The following ZFAND3 variants were observed in gnomAD, a reference collection of about 807,000 sequenced individuals.
ZFAND3 encodes zinc finger AN1-type containing 3.
In ZFAND3, 10 loss-of-function variants were observed where a neutral mutation model predicts 29.6. The ratio of observed to expected loss-of-function variants is 0.34; its 90% confidence interval spans 0.21 to 0.57. The LOEUF (loss-of-function observed/expected upper bound fraction) is 0.57. Among genes scored for constraint, ZFAND3 ranks in the 20% least tolerant of loss-of-function variants. The pLI, the probability that ZFAND3 is intolerant of heterozygous loss-of-function variation, is 0.86. For synonymous variants in ZFAND3, 128 were observed against 112.6 expected (o/e 1.14, Z -0.87); for missense variants, 230 against 304.5 (o/e 0.76, Z 1.82).
chr6:37,838,329 A>C (rs1029745657), intron 1 of ZFAND3, among the ~76,000 whole-genome samples: 1 of 152,162 alleles, frequency 6.6e-6, no homozygotes, highest in Admixed American at 6.5e-5. Flanking sequence ...ACCTACCATA[A>C]ATTTCATCCT....
chr6:38,053,243 A>AT (rs1764064276), intron 2 of ZFAND3, among the ~76,000 whole-genome samples: 1 of 151,832 alleles, frequency 6.6e-6, no homozygotes, highest in Non-Finnish European at 1.5e-5. Flanking sequence ...TGTGAAGGCA[A>AT]TGAGAGACCA....
Position 37,902,737 on chromosome 6 carries a change from CTTTTT to C in ZFAND3, c.72-27203_72-27199del, listed in dbSNP as rs11448512. 5.0e-3 allele frequency among the ~76,000 whole-genome samples: 506 copies of C among 100,418 alleles called. 2 individuals carry two copies. Among genetic ancestry groups the C allele is most frequent in the South Asian group, 8.7e-3 (23 of 2,652 alleles). The allele number at this position is 100,418 out of a possible 152,430, so 65.9% of individuals were successfully genotyped here. A position where few individuals can be genotyped will look rare whatever the true frequency, so the allele number is the denominator to read the frequency against. On this transcript the variant is annotated intron_variant, in intron 1 of 5. Transcript: ENST00000287218. The stretch of plus-strand genomic sequence containing the variant: ...TGCAGCAGCAAGCTTCTTTTACTTA[CTTTTT>C]TTTTTTTTTTTTTTTTTTAAGAGAT...
intron 2 of ZFAND3, among the ~76,000 whole-genome samples, chr6:37,970,389 G>A (rs367822331): frequency 6.6e-6 from 1 of 152,256 alleles, no homozygotes; most frequent in East Asian, 1.9e-4. Context: ...AAAAGATTTT[G>A]CATGTCAAGA....
rs561973868 is a variant in ZFAND3, at chr6:38,025,104, G to T, written c.113-36489G>T. ...CTCAGATTTCACATGTCTAGTAGAT[G>T]TTAATATTGGATCCATTCATTACAT... On this transcript the variant is annotated intron_variant, in intron 2 of 5. Coordinates refer to ENST00000287218, the MANE Select transcript of ZFAND3 (RefSeq NM_021943.3). 2.8e-3 allele frequency among the ~76,000 whole-genome samples: 421 copies of T among 152,260 alleles called. 3 individuals carry two copies. Among genetic ancestry groups the T allele is most frequent in the African/African-American group, 9.9e-3 (410 of 41,542 alleles).
At chr6:37,898,413 A>G (rs1013812691) in intron 1 of ZFAND3, among the ~76,000 whole-genome samples, 2 of 152,116 alleles carry the variant, frequency 1.3e-5, no homozygotes, top group Admixed American at 6.6e-5. Flanking sequence ...TAGCTTTCAG[A>G]TAGGTTTTCA....
intron 1 of ZFAND3, among the ~76,000 whole-genome samples, chr6:37,863,560 A>G (rs1764532362): frequency 6.6e-6 from 1 of 152,112 alleles, no homozygotes; most frequent in Non-Finnish European, 1.5e-5. Flanking sequence ...TTGATTTTTA[A>G]TGATGACCTG....
Position 37,891,416 on chromosome 6 carries a change from TC to T in ZFAND3, c.72-38533del, listed in dbSNP as rs113061455. Among the ~76,000 whole-genome samples, 402 of 117,038 alleles carry T rather than the reference TC, an allele frequency of 3.4e-3. 20 individuals carry two copies. Among genetic ancestry groups the T allele is most frequent in the Admixed American group, 4.5e-3 (53 of 11,854 alleles). The allele number at this position is 117,038 out of a possible 152,430, so 76.8% of individuals were successfully genotyped here. A position where few individuals can be genotyped will look rare whatever the true frequency, so the allele number is the denominator to read the frequency against. On this transcript the variant is annotated intron_variant, in intron 1 of 5. Coordinates refer to ENST00000287218, the MANE Select transcript of ZFAND3 (RefSeq NM_021943.3). ...TTTGACAAATAGTTGGAGATTTCAG[TC>T]CCCCCCCCCGCCTTTAAAATACAAA... is the stretch of plus-strand genomic sequence containing the variant.
intron 1 of ZFAND3, among the ~76,000 whole-genome samples, chr6:37,865,273 A>G (rs1483384428): frequency 6.6e-6 from 1 of 152,228 alleles, no homozygotes; most frequent in Non-Finnish European, 1.5e-5. Context: ...ATAATACCTC[A>G]TACAATGTAA....
At chr6:37,822,627 A>G (rs765689689) in intron 1 of ZFAND3, among the ~76,000 whole-genome samples, 10 of 152,180 alleles carry the variant, frequency 6.6e-5, no homozygotes, top group South Asian at 4.1e-4. Context: ...GACAGTTGCA[A>G]TACGTTGTAC....
At position 38,059,654 on chromosome 6, in the gene ZFAND3, G is replaced by C. The variant is rs575569784; in HGVS notation, c.113-1939G>C. Among the ~76,000 whole-genome samples the C allele has an allele frequency of 2.3e-4, 35 of 152,302 alleles. No homozygotes were observed. In the East Asian group the frequency reaches 5.8e-3, roughly 25 times the overall value. On this transcript the variant is annotated intron_variant, in intron 2 of 5. Coordinates refer to ENST00000287218, the MANE Select transcript of ZFAND3 (RefSeq NM_021943.3). ...GCACTTTGGGAGACTGAGGCGGGCA[G>C]ATCACCTGAGGCCAGGAGTTGGAGA... is the stretch of plus-strand genomic sequence containing the variant.
intron 5 of ZFAND3, among the ~76,000 whole-genome samples, chr6:38,131,713 T>G (rs1233016704): frequency 1.3e-5 from 2 of 152,230 alleles, no homozygotes; most frequent in Non-Finnish European, 2.9e-5. Context: ...TACATGATGC[T>G]CTGTAACTTC....
chr6:38,139,487 G>A (rs760160551), intron 5 of ZFAND3, among the ~76,000 whole-genome samples: 1 of 152,120 alleles, frequency 6.6e-6, no homozygotes, highest in African/African-American at 2.4e-5. Context: ...CTAGTCTGAG[G>A]GTCCAGGAAG....
intron 5 of ZFAND3, among the ~76,000 whole-genome samples, chr6:38,130,294 G>A (rs748276476): frequency 1.6e-4 from 25 of 152,102 alleles, no homozygotes; most frequent in Non-Finnish European, 3.2e-4. Flanking sequence ...TGATTTGGAT[G>A]CCCTTTATTT....
chr6:38,037,690 C>T (rs1219924222), intron 2 of ZFAND3, among the ~76,000 whole-genome samples: 5 of 152,186 alleles, frequency 3.3e-5, no homozygotes, highest in African/African-American at 1.2e-4. Context: ...TGCACATCCA[C>T]GACTAACTCC....
chr6:37,908,542 T>TAAAAAAAAAAAAAAAA (rs70981504), intron 1 of ZFAND3, among the ~76,000 whole-genome samples: 1 of 124,126 alleles, frequency 8.1e-6, no homozygotes, highest in Non-Finnish European at 1.7e-5. Flanking sequence ...AAAAAAAAAT[T>TAAAAAAAAAAAAAAAA]AAAAAAAAAA....
chr6:37,935,275 T>G (rs1761677996), intron 2 of ZFAND3, among the ~76,000 whole-genome samples: 1 of 152,204 alleles, frequency 6.6e-6, no homozygotes, highest in Non-Finnish European at 1.5e-5. Flanking sequence ...TCTTTCCAAT[T>G]ATCAGAGCTG....
At chr6:38,013,481 A>G (rs147641485) in intron 2 of ZFAND3, among the ~76,000 whole-genome samples, 15 of 152,260 alleles carry the variant, frequency 9.9e-5, no homozygotes, top group Non-Finnish European at 1.5e-4. Flanking sequence ...TGTATTGCCT[A>G]TTTCCTAGCT....
At position 37,897,858 on chromosome 6, in the gene ZFAND3, A is replaced by G. The variant is rs544126663; in HGVS notation, c.72-32101A>G. ...AGTCAGCAAGTAGTCAGAAAAGAAT[A>G]GCAAAAACACACAAAATAAATAAAT... is the stretch of plus-strand genomic sequence containing the variant. On this transcript the variant is annotated intron_variant, in intron 1 of 5. Coordinates refer to ENST00000287218, the MANE Select transcript of ZFAND3 (RefSeq NM_021943.3). Among the ~76,000 whole-genome samples, 469 of 152,358 alleles carry G rather than the reference A, an allele frequency of 3.1e-3. 3 individuals are homozygous for G. Among genetic ancestry groups the G allele is most frequent in the African/African-American group, 0.011 (446 of 41,578 alleles).
chr6:37,893,029 T>C (rs1765131369), intron 1 of ZFAND3, among the ~76,000 whole-genome samples: 1 of 151,886 alleles, frequency 6.6e-6, no homozygotes, highest in Admixed American at 6.6e-5. Context: ...ATTTAAAGAA[T>C]TAATACCAGT....
Sources: gnomAD v4.1 joint callset for allele counts (sites outside exome capture counted in the v4.1 genomes callset) on GRCh38, gnomAD v4.1.1 for gene constraint, MANE v1.5 for transcripts, NCBI Gene and HGNC (gene_info 2026-07-23, HGNC 2026-07-21) for gene names.